SNX31: variants seen among roughly 807,000 people sequenced by gnomAD.
The protein encoded by SNX31 is sorting nexin 31, also known as sorting nexin-31.
In SNX31, 58 loss-of-function variants were observed where a neutral mutation model predicts 65.4. The observed-to-expected ratio is 0.89, with a 90% CI of 0.72 to 1.10. The LOEUF (loss-of-function observed/expected upper bound fraction) is 1.10. SNX31 is among the 50% of genes least tolerant of loss of function. The pLI is 0.00. For missense variants in SNX31, 523 were observed against 529.7 expected (o/e 0.99, Z 0.12); for synonymous variants, 181 against 190.1 (o/e 0.95, Z 0.39).
chr8:100,659,480 G>C (rs1228585087), intron 1 of SNX31, among the ~76,000 whole-genome samples: 1 of 151,588 alleles, frequency 6.6e-6, no homozygotes, highest in Non-Finnish European at 1.5e-5. Flanking sequence ...AGATATCTAA[G>C]ATATTTGGTT....
intron 9 of SNX31, among the ~76,000 whole-genome samples, chr8:100,598,046 A>G (rs190222384): frequency 3.8e-4 from 58 of 152,280 alleles, no homozygotes; most frequent in African/African-American, 1.4e-3. Flanking sequence ...AAGCAAGGTA[A>G]CTCACACCTC....
At position 100,573,624 on chromosome 8, in the gene SNX31, C is replaced by T. The variant is rs761541878; in HGVS notation, c.*241G>A. On this transcript the variant is annotated 3_prime_UTR_variant, in exon 14 of 14. Coordinates refer to ENST00000311812, the MANE Select transcript of SNX31 (RefSeq NM_152628.4). ...AAAAACAAACTCTATACTGTCATGA[C>T]GAAGTGCAAAAATAAAATAAAAACT... 9 of 304,294 alleles carry T rather than the reference C, an allele frequency of 3.0e-5. No homozygotes were observed. Among genetic ancestry groups the T allele is most frequent in the Admixed American group, 2.5e-4 (5 of 19,748 alleles). The allele number at this position is 304,294 out of a possible 1,614,324, so 18.8% of individuals were successfully genotyped here. A position where few individuals can be genotyped will look rare whatever the true frequency, so the allele number is the denominator to read the frequency against.
intron 10 of SNX31, among the ~76,000 whole-genome samples, chr8:100,595,688 AC>A (rs1392821338): frequency 6.6e-6 from 1 of 152,184 alleles, no homozygotes; most frequent in Non-Finnish European, 1.5e-5. Context: ...AGTAGGGAAC[AC>A]AGACAGAAGA....
intron 12 of SNX31, among the ~76,000 whole-genome samples, chr8:100,579,888 G>A (rs1368762648): frequency 1.3e-5 from 2 of 152,158 alleles, no homozygotes; most frequent in Non-Finnish European, 2.9e-5. Context: ...TGCCAGGCAT[G>A]GTGGCTCACA....
chr8:100,635,351 C>T (rs1230513939), intron 3 of SNX31, among the ~76,000 whole-genome samples: 1 of 151,936 alleles, frequency 6.6e-6, no homozygotes, highest in Non-Finnish European at 1.5e-5. Flanking sequence ...GCTATCCTCT[C>T]ACCTCAGCTT....
chr8:100,649,289 G>A lies in SNX31; in HGVS notation c.126C>T (p.His42=), dbSNP rs146665484. 6.1e-5 allele frequency: 99 copies of A among 1,614,048 alleles called. 2 individuals carry two copies. The East Asian group carries it at 2.1e-3, about 34-fold the overall frequency. The change falls in exon 2 of 14, where the codon CAC becomes CAT. Residue 42 remains histidine, a synonymous_variant. Transcript: ENST00000311812. ...ATCTGCTCACCTGTTCGTTCCAACCGTGCAGCTGGCTGTAGCGCACCCTGC... is the reference window on the plus strand; with the variant it reads ...ATCTGCTCACCTGTTCGTTCCAACCATGCAGCTGGCTGTAGCGCACCCTGC... ...LFCRVRYSQL[H]GWNEQLRRVF...
At position 100,612,945 on chromosome 8, in the gene SNX31, C is replaced by T. The variant is rs57820710; in HGVS notation, c.523+50G>A. ...TGTGACTCCTATGAGCCCCTGCTCA[C>T]ACCTGTCCACCCCATCTCCTAGCTG... On this transcript the variant is annotated intron_variant, in intron 6 of 13. Coordinates refer to ENST00000311812, the MANE Select transcript of SNX31 (RefSeq NM_152628.4). The surrounding 1 kb of genome is among the most constrained non-coding windows in gnomAD (Gnocchi z 4.3). 8,870 of 1,533,760 alleles carry T rather than the reference C, an allele frequency of 5.8e-3. 414 individuals carry two copies. The African/African-American group carries it at 0.1, about 18-fold the overall frequency.
At chr8:100,580,994 T>C (rs1813447400) in intron 12 of SNX31, among the ~76,000 whole-genome samples, 1 of 151,912 alleles carries the variant, frequency 6.6e-6, no homozygotes, top group Admixed American at 6.6e-5. Flanking sequence ...TTCCAGTTTA[T>C]GGTTAATATT....
intron 13 of SNX31, 96 bp from the exon 14 acceptor site, chr8:100,574,056 C>A: frequency 1.6e-6 from 1 of 630,916 alleles, no homozygotes; most frequent in Non-Finnish European, 2.6e-6. Flanking sequence ...ATTGAAAGGG[C>A]AACAGAAAGC....
At chr8:100,624,741 G>A (rs914972676) in intron 4 of SNX31, among the ~76,000 whole-genome samples, 4 of 152,102 alleles carry the variant, frequency 2.6e-5, no homozygotes, top group Admixed American at 2.0e-4. Context: ...CAGCTGGGGG[G>A]AAAAGTCAAC....
intron 4 of SNX31, among the ~76,000 whole-genome samples, chr8:100,621,122 C>T (rs1406975673): frequency 5.3e-5 from 8 of 152,064 alleles, no homozygotes; most frequent in East Asian, 1.9e-4. Flanking sequence ...CCAGCCTGGG[C>T]GACAGAGCAA....
chr8:100,642,696 G>T (rs1031565579), intron 2 of SNX31, among the ~76,000 whole-genome samples: 1 of 152,206 alleles, frequency 6.6e-6, no homozygotes, highest in South Asian at 2.1e-4. Flanking sequence ...ATGGGTCTCA[G>T]TACACAGTTG....
chr8:100,641,595 TAC>T lies in SNX31; in HGVS notation c.142-5586_142-5585del, dbSNP rs1554587422. 2.4e-3 allele frequency among the ~76,000 whole-genome samples: 54 copies of T among 22,080 alleles called. 1 individual carries two copies. The highest frequency in any genetic ancestry group is 0.016 in the African/African-American group (52 of 3,256). The allele number at this position is 22,080 out of a possible 152,430, so 14.5% of individuals were successfully genotyped here. On this transcript the variant is annotated intron_variant, in intron 2 of 13. Transcript: ENST00000311812. The stretch of plus-strand genomic sequence containing the variant: ...ATATATATATATATATATATATATA[TAC>T]ACATACACACACACACGCACACACG...
rs1809793062 is a variant in SNX31, at chr8:100,661,797, TGGGATTACAG to T, written c.-58+1335_-58+1344del. On this transcript the variant is annotated intron_variant, in intron 1 of 5. Transcript: ENST00000520352. ...CTCCTGCCTCAGCCTCCCAAAGTGC[TGGGATTACAG>T]GTGTGAGCCACTGCATCCAGCCACT... Among the ~76,000 whole-genome samples, 6 of 152,258 alleles carry T rather than the reference TGGGATTACAG, an allele frequency of 3.9e-5. No homozygotes were observed. The South Asian group carries it at 1.2e-3, about 32-fold the overall frequency.
chr8:100,649,770 A>C, upstream of SNX31: 1 of 417,032 alleles, frequency 2.4e-6, no homozygotes, highest in Non-Finnish European at 4.2e-6. Context: ...GGGCGCATCC[A>C]CGGCCACCCC....
intron 3 of SNX31, among the ~76,000 whole-genome samples, chr8:100,632,400 C>A (rs1818472796): frequency 6.6e-6 from 1 of 151,364 alleles, no homozygotes; most frequent in Non-Finnish European, 1.5e-5. Context: ...AGTATGGTCC[C>A]ATGACAAAAA....
chr8:100,618,264 G>GT, intron 4 of SNX31: 1 of 1,466,150 alleles, frequency 6.8e-7, no homozygotes, highest in Non-Finnish European at 9.2e-7. Context: ...AAACAACTGA[G>GT]TATCTATATT....
chr8:100,622,844 G>A lies in SNX31; in HGVS notation c.322-5114C>T, dbSNP rs1817794064. Among the ~76,000 whole-genome samples the A allele has an allele frequency of 1.3e-5, 2 of 152,238 alleles. No individual in the cohort carries two copies. Among genetic ancestry groups the A allele is most frequent in the Admixed American group, 1.3e-4 (2 of 15,294 alleles). ...CTCCAATGTTTTGTTTGATGTCGCAGTACTGGTTTTGGCTGAGGTAACCTC... is the reference window on the plus strand; with the variant it reads ...CTCCAATGTTTTGTTTGATGTCGCAATACTGGTTTTGGCTGAGGTAACCTC... On this transcript the variant is annotated intron_variant, in intron 4 of 13. Coordinates refer to ENST00000311812, the MANE Select transcript of SNX31 (RefSeq NM_152628.4). The surrounding 1 kb of genome is among the most constrained non-coding windows in gnomAD (Gnocchi z 5.0).
At chr8:100,596,061 C>T (rs1197025014) in intron 10 of SNX31, among the ~76,000 whole-genome samples, 1 of 152,142 alleles carries the variant, frequency 6.6e-6, no homozygotes, top group Non-Finnish European at 1.5e-5. Context: ...GGGTGTCATG[C>T]TCTGATAGCT....
Sources: gnomAD v4.1 joint callset for allele counts (sites outside exome capture counted in the v4.1 genomes callset) on GRCh38, gnomAD v4.1.1 for gene constraint, Gnocchi (gnomAD v3.1) non-coding constraint, MANE v1.5 for transcripts, NCBI Gene and HGNC (gene_info 2026-07-23, HGNC 2026-07-21) for gene names.